Variants in ZNF385B observed in about 807,000 individuals in gnomAD.
The protein encoded by ZNF385B is zinc finger protein 385B, also known as zinc finger protein 533.
A neutral mutation model predicts 39.2 loss-of-function variants in ZNF385B; 23 were observed. That is an observed-to-expected ratio of 0.59 (90% CI 0.42 to 0.83). The LOEUF is 0.83. Ranked by LOEUF, ZNF385B falls within the 40% of genes least tolerant of loss-of-function variation. The pLI is 0.00. For synonymous variants in ZNF385B, 205 were observed against 222.6 expected (o/e 0.92, Z 0.70); for missense variants, 552 against 598.9 (o/e 0.92, Z 0.82).
intron 1 of ZNF385B, among the ~76,000 whole-genome samples, chr2:179,852,603 A>C (rs1033122813): frequency 6.6e-6 from 1 of 152,116 alleles, no homozygotes; most frequent in South Asian, 2.1e-4. Context: ...CGTGGACTAA[A>C]ACCTGTAAGT....
intron 3 of ZNF385B, among the ~76,000 whole-genome samples, chr2:179,608,736 C>T (rs6717795): frequency 0.33 from 49,960 of 151,580 alleles, 8,585 homozygotes; most frequent in Middle Eastern, 0.46. Context: ...TTTAACAAGC[C>T]CCTAAGTGAT....
At chr2:179,445,859 C>CCTG in intron 7 of ZNF385B, 131 bp from the exon 8 acceptor site, 2 of 839,198 alleles carry the variant, frequency 2.4e-6, no homozygotes, top group South Asian at 2.7e-5. Context: ...CACTTTAATG[C>CCTG]TGATTTTAAA....
intron 3 of ZNF385B, among the ~76,000 whole-genome samples, chr2:179,623,456 C>A (rs774175261): frequency 1.3e-5 from 2 of 152,102 alleles, no homozygotes; most frequent in African/African-American, 4.8e-5. Flanking sequence ...CTCAGCTGAT[C>A]GGACATATTT....
intron 5 of ZNF385B, among the ~76,000 whole-genome samples, chr2:179,498,028 T>C (rs74965862): frequency 0.018 from 2,748 of 152,198 alleles, 77 homozygotes; most frequent in African/African-American, 0.062. Flanking sequence ...TTAATATACA[T>C]GCACCCAACA....
At chr2:179,827,792 G>C (rs747196344) in intron 1 of ZNF385B, among the ~76,000 whole-genome samples, 1 of 152,076 alleles carries the variant, frequency 6.6e-6, no homozygotes, top group Non-Finnish European at 1.5e-5. Flanking sequence ...TTGTCACGAC[G>C]TGAACGTGTC....
chr2:179,506,809 G>A (rs2057289754), intron 5 of ZNF385B, among the ~76,000 whole-genome samples: 1 of 152,104 alleles, frequency 6.6e-6, no homozygotes, highest in Non-Finnish European at 1.5e-5. Flanking sequence ...AGAGGAAGGA[G>A]TATTAAAAAT....
At chr2:179,640,338 A>G (rs1042115080) in intron 3 of ZNF385B, among the ~76,000 whole-genome samples, 1 of 152,134 alleles carries the variant, frequency 6.6e-6, no homozygotes, top group Non-Finnish European at 1.5e-5. Flanking sequence ...TAGGATGTCC[A>G]TGCTGAAGAA....
chr2:179,509,860 T>A (rs1262605650), intron 5 of ZNF385B, among the ~76,000 whole-genome samples: 1 of 152,240 alleles, frequency 6.6e-6, no homozygotes, highest in Non-Finnish European at 1.5e-5. Flanking sequence ...AATGAAATTA[T>A]CACTACTGTG....
At chr2:179,599,986 C>A (rs769866126) in intron 3 of ZNF385B, among the ~76,000 whole-genome samples, 3 of 152,132 alleles carry the variant, frequency 2.0e-5, no homozygotes, top group Non-Finnish European at 4.4e-5. Context: ...ATTGCGTTAA[C>A]CATTTTGAAT....
At chr2:179,459,441 T>C (rs1427517610) in intron 6 of ZNF385B, among the ~76,000 whole-genome samples, 1 of 152,110 alleles carries the variant, frequency 6.6e-6, no homozygotes, top group African/African-American at 2.4e-5. Flanking sequence ...AAATCTGTCC[T>C]AAGGAAATAA....
intron 3 of ZNF385B, among the ~76,000 whole-genome samples, chr2:179,643,322 T>C (rs1009768256): frequency 6.6e-6 from 1 of 152,140 alleles, no homozygotes; most frequent in Non-Finnish European, 1.5e-5. Context: ...AGAAAACCAA[T>C]ATTCTTCAAA....
At chr2:179,745,026 G>C (rs1702296622) in intron 3 of ZNF385B, among the ~76,000 whole-genome samples, 1 of 151,930 alleles carries the variant, frequency 6.6e-6, no homozygotes, top group African/African-American at 2.4e-5. Context: ...GTGAGCACAG[G>C]TATTTTATTT....
chr2:179,761,256 T>C (rs1282463598), intron 3 of ZNF385B, among the ~76,000 whole-genome samples: 1 of 152,212 alleles, frequency 6.6e-6, no homozygotes, highest in Non-Finnish European at 1.5e-5. Flanking sequence ...AATGTTAGCA[T>C]AATCTTGTCT....
At position 179,651,713 on chromosome 2, in the gene ZNF385B, T is replaced by C. The variant is rs183379778; in HGVS notation, c.299-106744A>G. Among the ~76,000 whole-genome samples the C allele has an allele frequency of 1.4e-3, 211 of 152,112 alleles. 1 individual carries two copies. The highest frequency in any genetic ancestry group is 3.1e-3 in the South Asian group (15 of 4,806). ...GAACCTCCAAATATGGATCTGTAAG[T>C]GGATGAGGAGAATCTGAATGTTGCC... is the stretch of plus-strand genomic sequence containing the variant. On this transcript the variant is annotated intron_variant, in intron 3 of 9. Transcript: ENST00000410066.
At chr2:179,526,992 C>G (rs947499528) in intron 4 of ZNF385B, among the ~76,000 whole-genome samples, 7 of 152,216 alleles carry the variant, frequency 4.6e-5, no homozygotes, top group African/African-American at 1.7e-4. Context: ...GTTATAAAGG[C>G]AATAACAACA....
intron 6 of ZNF385B, among the ~76,000 whole-genome samples, chr2:179,453,050 A>G (rs1000400536): frequency 5.9e-5 from 9 of 152,182 alleles, no homozygotes; most frequent in African/African-American, 1.9e-4. Context: ...ATATACAGAA[A>G]CATACTGTTC....
At chr2:179,446,475 A>C in intron 7 of ZNF385B, 50 bp downstream of exon 7, 1 of 1,562,154 alleles carries the variant, frequency 6.4e-7, no homozygotes. Flanking sequence ...TGATGGGAAA[A>C]GTTGGGTTTT....
At chr2:179,516,688 T>G (rs1005767111) in intron 5 of ZNF385B, among the ~76,000 whole-genome samples, 4 of 152,230 alleles carry the variant, frequency 2.6e-5, no homozygotes, top group South Asian at 2.1e-4. Flanking sequence ...TACTTTCTAG[T>G]AGTCTATAGC....
chr2:179,539,399 G>A (rs1482564042), intron 4 of ZNF385B, among the ~76,000 whole-genome samples: 1 of 152,122 alleles, frequency 6.6e-6, no homozygotes, highest in Non-Finnish European at 1.5e-5. Context: ...TTCAACATAT[G>A]AATTTTGAGG....
Sources: gnomAD v4.1 joint callset for allele counts (sites outside exome capture counted in the v4.1 genomes callset) on GRCh38, gnomAD v4.1.1 for gene constraint, MANE v1.5 for transcripts, NCBI Gene and HGNC (gene_info 2026-07-23, HGNC 2026-07-21) for gene names.